RBCK1: variants seen among roughly 807,000 people sequenced by gnomAD.
The protein encoded by RBCK1 is RANBP2-type and C3HC4-type zinc finger containing 1, also known as ranBP-type and C3HC4-type zinc finger-containing protein 1.
In RBCK1, 44 loss-of-function variants were observed where a neutral mutation model predicts 71.1. The observed-to-expected ratio is 0.62, with a 90% confidence interval of 0.49 to 0.80. The LOEUF is 0.80. Among genes scored for constraint, RBCK1 ranks in the 30% least tolerant of loss-of-function variants. The pLI is 0.00. For synonymous variants in RBCK1, 306 were observed against 279.7 expected (o/e 1.09, Z -0.94); for missense variants, 569 against 685.0 (o/e 0.83, Z 1.89).
chr20:423,856 TCTGTGATGA>T (rs1190918318), intron 8 of RBCK1, among the ~76,000 whole-genome samples: 2 of 152,182 alleles, frequency 1.3e-5, no homozygotes, highest in Non-Finnish European at 2.9e-5. Flanking sequence ...AATGGTCTCA[TCTGTGATGA>T]CTGGGATGAC....
chr20:408,726 C>T lies in RBCK1; in HGVS notation c.-32C>T. 1 of 1,607,746 alleles carries T rather than the reference C, an allele frequency of 6.2e-7. No homozygotes were observed. Among genetic ancestry groups the T allele is most frequent in the Non-Finnish European group, 8.5e-7 (1 of 1,178,644 alleles). On this transcript the variant is annotated 5_prime_UTR_variant, in exon 1 of 12. Transcript: ENST00000356286. Reference sequence around the variant, plus strand: ...GGTAGCATTTCCCAGGAGGCACGGTCCCCCCCAGGGGGATGGGCACAGCCA... The same window carrying T: ...GGTAGCATTTCCCAGGAGGCACGGTTCCCCCCAGGGGGATGGGCACAGCCA...
chr20:418,575 A>C (rs547657447), intron 4 of RBCK1, among the ~76,000 whole-genome samples: 2 of 152,090 alleles, frequency 1.3e-5, no homozygotes, highest in Non-Finnish European at 2.9e-5. Flanking sequence ...TCACCGTGTT[A>C]GCCAGGATGG....
In RBCK1 at chr20:417,312, G is replaced by A. The variant is rs1348969095; in HGVS notation, c.168-214G>A. On this transcript the variant is annotated intron_variant, in intron 2 of 11. Transcript: ENST00000356286. The surrounding 1 kb of genome is among the most constrained non-coding windows in gnomAD (Gnocchi z 4.7). The stretch of plus-strand genomic sequence containing the variant: ...GTGCTGCCACGAGTTGATTCTAAGA[G>A]TAGCGTGGAGCCATTGGAGGGGCCT... The A allele has an allele frequency of 1.1e-5, 8 of 718,348 alleles. No individual in the cohort carries two copies. The highest frequency in any genetic ancestry group is 5.4e-5 in the East Asian group (2 of 37,030). The allele number at this position is 718,348 out of a possible 1,614,324, so 44.5% of individuals were successfully genotyped here.
In RBCK1 at chr20:428,818, C is replaced by G; in HGVS notation, c.1309-133C>G. The G allele has an allele frequency of 7.0e-7, 1 of 1,435,626 alleles. No individual in the cohort carries two copies. The highest frequency in any genetic ancestry group is 2.5e-5 in the East Asian group (1 of 39,616). 88.9% of individuals were successfully genotyped at this position (1,435,626 alleles called of 1,614,324 possible). On this transcript the variant is annotated intron_variant, in intron 10 of 11. Transcript: ENST00000356286. This position sits in a 1 kb window ranked among gnomAD's most constrained non-coding sequence, Gnocchi z 5.7. ...ATGAAGAGGGGGTTGCTGGATGGAG[C>G]CTGGCCTGGCAGAGCCACACAGGAG...
At chr20:410,906 G>A (rs2015669205) in intron 2 of RBCK1, 3 of 234,064 alleles carry the variant, frequency 1.3e-5, no homozygotes, top group Non-Finnish European at 2.6e-5. Flanking sequence ...ACCATTTAAA[G>A]TATACAGTTC....
At position 429,223 on chromosome 20, in the gene RBCK1, A is replaced by C. The variant is rs1412271785; in HGVS notation, c.1452+129A>C. 3.1e-6 allele frequency: 4 copies of C among 1,289,258 alleles called. No individual in the cohort carries two copies. The African/African-American group carries it at 6.3e-5, about 20-fold the overall frequency. The allele number at this position is 1,289,258 out of a possible 1,614,324, so 79.9% of individuals were successfully genotyped here. ...CTGAATTTGTACAGCTCCCGAGGTA[A>C]GAATTTTTTTTTTTTTTTTTGAAAC... On this transcript the variant is annotated intron_variant, in intron 11 of 11. Coordinates refer to ENST00000356286, the MANE Select transcript of RBCK1 (RefSeq NM_031229.4).
chr20:413,942 C>T (rs2015848949), intron 2 of RBCK1, among the ~76,000 whole-genome samples: 1 of 137,196 alleles, frequency 7.3e-6, no homozygotes, highest in South Asian at 2.4e-4. Context: ...AAAAGATTAA[C>T]ACTTTTGGGT....
chr20:413,828 T>A lies in RBCK1; in HGVS notation c.168-3698T>A, dbSNP rs1269620190. ...TTGGTAATAACATAGTTTACTTAGC[T>A]ATTACATTAATTAATAAAACATGAG... is the stretch of plus-strand genomic sequence containing the variant. On this transcript the variant is annotated intron_variant, in intron 2 of 11. Coordinates refer to ENST00000356286, the MANE Select transcript of RBCK1 (RefSeq NM_031229.4). Among the ~76,000 whole-genome samples, 8 of 151,388 alleles carry A rather than the reference T, an allele frequency of 5.3e-5. No homozygotes were observed. In the Admixed American group the frequency reaches 5.3e-4, roughly 10 times the overall value.
rs2016071821 is a variant in RBCK1, at chr20:417,581, G to C, written c.223G>C (p.Val75Leu). Residue 75 changes from valine to leucine, a missense_variant, in exon 3 of 12, where the codon GTG becomes CTG. By Grantham distance (32) the Val-to-Leu change is conservative. Coordinates refer to ENST00000356286, the MANE Select transcript of RBCK1 (RefSeq NM_031229.4). This position sits in a 1 kb window ranked among gnomAD's most constrained non-coding sequence, Gnocchi z 4.7. Reference sequence around the variant, plus strand: ...GCACACCGTCACCATCTGGCTCACAGTGCGCCCTGATATGACAGTGGCGTC... The same window carrying C: ...GCACACCGTCACCATCTGGCTCACACTGCGCCCTGATATGACAGTGGCGTC... ...QMHTVTIWLT[V>L]RPDMTVASLK... is the part of the protein sequence containing the mutation. 2 of 1,613,922 alleles carry C rather than the reference G, an allele frequency of 1.2e-6. No homozygotes were observed. The highest frequency in any genetic ancestry group is 1.7e-6 in the Non-Finnish European group (2 of 1,180,030).
rs1330800877 is a variant in RBCK1 at position 431,066 on chromosome 20, G to A, written c.*636G>A. On this transcript the variant is annotated 3_prime_UTR_variant, in exon 12 of 12. Transcript: ENST00000356286. This position sits in a 1 kb window ranked among gnomAD's most constrained non-coding sequence, Gnocchi z 4.8. ...TCTCTGGGAACTGCATCAGAAAGTT[G>A]ACTTGTCAGTCCATCTGTGGTAGAA... 6.6e-6 allele frequency: 1 copy of A among 152,560 alleles called. No homozygotes were observed. Among genetic ancestry groups the A allele is most frequent in the Non-Finnish European group, 1.5e-5 (1 of 68,328 alleles). 9.5% of individuals were successfully genotyped at this position (152,560 alleles called of 1,614,324 possible).
chr20:422,406 C>T lies in RBCK1; in HGVS notation c.1029+168C>T, dbSNP rs1381244911. Among the ~76,000 whole-genome samples, 1 of 151,910 alleles carries T rather than the reference C, an allele frequency of 6.6e-6. No homozygotes were observed. The highest frequency in any genetic ancestry group is 1.5e-5 in the Non-Finnish European group (1 of 67,978). On this transcript the variant is annotated intron_variant, in intron 8 of 11. Coordinates refer to ENST00000356286, the MANE Select transcript of RBCK1 (RefSeq NM_031229.4). This position sits in a 1 kb window ranked among gnomAD's most constrained non-coding sequence, Gnocchi z 5.0. ...TCCTGGGCTTAAGCGATCATTCATC[C>T]TCAGCCCCCCAGACATTTTTCAAGA...
At chr20:429,226 AT>A (rs146561173) in intron 11 of RBCK1, 132 bp downstream of exon 11, 235,102 of 966,476 alleles carry the variant, frequency 0.24, 1,005 homozygotes, top group East Asian at 0.29. Flanking sequence ...CGAGGTAAGA[AT>A]TTTTTTTTTT....
chr20:418,126 G>C (rs1403832032), intron 4 of RBCK1, among the ~76,000 whole-genome samples, 196 bp downstream of exon 4: 3 of 152,196 alleles, frequency 2.0e-5, no homozygotes, highest in Admixed American at 2.0e-4. Flanking sequence ...CAGCTGGCAC[G>C]GGGAGGGGTG....
rs200146141 is a variant in RBCK1, at chr20:417,848, C to T, written c.378C>T (p.Ala126=). The T allele has an allele frequency of 9.7e-5, 157 of 1,613,800 alleles. No individual in the cohort carries two copies. The highest frequency in any genetic ancestry group is 3.4e-6 in the Non-Finnish European group (4 of 1,180,030). The change falls in exon 4 of 12, where the codon GCC becomes GCT. Residue 126 remains alanine (A), a synonymous_variant. Coordinates refer to ENST00000356286, the MANE Select transcript of RBCK1 (RefSeq NM_031229.4). This position sits in a 1 kb window ranked among gnomAD's most constrained non-coding sequence, Gnocchi z 4.7. ...GGGTGCGGCAGAATGGGGACAGTGC[C>T]TACCTCTATCTGCTGTCAGCCCGCA... is the stretch of plus-strand genomic sequence containing the variant. The part of the protein sequence containing the change: ...SHGVRQNGDS[A]YLYLLSARNT...
intron 2 of RBCK1, among the ~76,000 whole-genome samples, chr20:411,064 A>G (rs969954598): frequency 1.3e-5 from 2 of 151,936 alleles, no homozygotes; most frequent in Admixed American, 1.3e-4. Context: ...TTAGGCAACC[A>G]CTAATCTACT....
rs562939403 is a variant in RBCK1 at position 418,542 on chromosome 20, A to C, written c.460+612A>C. 3.1e-3 allele frequency among the ~76,000 whole-genome samples: 477 copies of C among 151,888 alleles called. 4 individuals are homozygous for C. The highest frequency in any genetic ancestry group is 0.011 in the African/African-American group (463 of 41,420). ...CGCCACCACGCCCGGCTAATTTTTT[A>C]TATTTTTAGTAGAGACGGGGTTTCA... On this transcript the variant is annotated intron_variant, in intron 4 of 11. Coordinates refer to ENST00000356286, the MANE Select transcript of RBCK1 (RefSeq NM_031229.4).
At chr20:413,091 T>A (rs867206753) in intron 2 of RBCK1, among the ~76,000 whole-genome samples, 1 of 152,230 alleles carries the variant, frequency 6.6e-6, no homozygotes, top group Admixed American at 6.5e-5. Context: ...TAATTGACCA[T>A]AAATGTGAGT....
chr20:419,370 C>T lies in RBCK1; in HGVS notation c.484C>T (p.Leu162=), dbSNP rs1286819676. ...AGATCTGGGCTTCAAGGACCTCACGCTGCAGCCGCGGGGCCCTCTGGAGCC... is the reference window on the plus strand; with the variant it reads ...AGATCTGGGCTTCAAGGACCTCACGTTGCAGCCGCGGGGCCCTCTGGAGCC... The part of the protein sequence containing the change: ...LEDLGFKDLT[L]QPRGPLEPGP... The change falls in exon 5 of 12, where the codon CTG becomes TTG. Residue 162 remains leucine (L), a synonymous_variant. Transcript: ENST00000356286. The T allele has an allele frequency of 6.2e-7, 1 of 1,612,428 alleles. No homozygotes were observed. Among genetic ancestry groups the T allele is most frequent in the South Asian group, 1.1e-5 (1 of 91,054 alleles).
chr20:422,244 G>GC lies in RBCK1; in HGVS notation c.1029+8dup. 1 of 1,612,686 alleles carries GC rather than the reference G, an allele frequency of 6.2e-7. No individual in the cohort carries two copies. Among genetic ancestry groups the GC allele is most frequent in the Non-Finnish European group, 8.5e-7 (1 of 1,179,304 alleles). On this transcript the variant is annotated splice_region_variant and intron_variant, in intron 8 of 11. Coordinates refer to ENST00000356286, the MANE Select transcript of RBCK1 (RefSeq NM_031229.4). This position sits in a 1 kb window ranked among gnomAD's most constrained non-coding sequence, Gnocchi z 5.0. ...TGGAGAGGGAGATCAAGGCGGTAAG[G>GC]CCTCAGGGTGGGAGACATACCCCAA... is the stretch of plus-strand genomic sequence containing the variant.
Sources: allele counts gnomAD v4.1 joint callset (sites outside exome capture counted in the v4.1 genomes callset), GRCh38; gene constraint gnomAD v4.1.1; non-coding constraint Gnocchi (gnomAD v3.1); transcripts MANE v1.5; gene names NCBI Gene and HGNC (gene_info 2026-07-23, HGNC 2026-07-21).